The following UMAD1 variants were observed in gnomAD, a reference collection of about 807,000 sequenced individuals.
The protein encoded by UMAD1 is UBAP1-MVB12-associated (UMA)-domain containing protein 1.
UMAD1 carries 8 observed loss-of-function variants against 6.1 expected under a neutral mutation model. The observed-to-expected ratio is 1.30, with a 90% CI of 0.76 to 2.35. UMAD1 has a LOEUF of 2.35. UMAD1 is among the 30% of genes most tolerant of loss of function. The pLI, the probability that UMAD1 is intolerant of heterozygous loss-of-function variation, is 0.00. For missense variants in UMAD1, 130 were observed against 78.4 expected, an observed-to-expected ratio of 1.66 and a Z score of -2.49; for synonymous variants, 56 against 31.4, an observed-to-expected ratio of 1.78 and a Z score of -2.61.
intron 3 of UMAD1, among the ~76,000 whole-genome samples, chr7:7,875,979 G>A (rs939617865): frequency 6.6e-6 from 1 of 152,220 alleles, no homozygotes; most frequent in Non-Finnish European, 1.5e-5. Context: ...TTGGGAGGCT[G>A]AGACAGGGAG....
At chr7:7,784,562 G>A (rs914134646) in intron 2 of UMAD1, among the ~76,000 whole-genome samples, 13 of 150,666 alleles carry the variant, frequency 8.6e-5, no homozygotes, top group African/African-American at 2.9e-4. Context: ...AGCCAGGATG[G>A]TCTCGATCTT....
At chr7:7,724,058 G>T (rs997963766) in intron 2 of UMAD1, among the ~76,000 whole-genome samples, 4 of 152,126 alleles carry the variant, frequency 2.6e-5, no homozygotes, top group Non-Finnish European at 5.9e-5. Context: ...GGGAGGCCGG[G>T]TCCCCTTGAG....
chr7:7,699,630 G>GAAAAGACTA (rs1281645432), intron 2 of UMAD1, among the ~76,000 whole-genome samples: 9 of 152,166 alleles, frequency 5.9e-5, no homozygotes, highest in Non-Finnish European at 7.4e-5. Flanking sequence ...TTTAGGACCA[G>GAAAAGACTA]AAAAGACTAC....
At chr7:7,729,045 G>A (rs1255792706) in intron 2 of UMAD1, among the ~76,000 whole-genome samples, 1 of 152,168 alleles carries the variant, frequency 6.6e-6, no homozygotes, top group Non-Finnish European at 1.5e-5. Flanking sequence ...GATTGAGTAA[G>A]GCTTCCATAA....
chr7:7,874,842 G>A (rs989975861), intron 3 of UMAD1, among the ~76,000 whole-genome samples: 1 of 152,154 alleles, frequency 6.6e-6, no homozygotes, highest in African/African-American at 2.4e-5. Flanking sequence ...ACACCAGGAG[G>A]GCTTCTGGGG....
intron 2 of UMAD1, among the ~76,000 whole-genome samples, chr7:7,723,656 G>A (rs1386997133): frequency 1.3e-5 from 2 of 152,180 alleles, no homozygotes; most frequent in African/African-American, 4.8e-5. Flanking sequence ...GCTCTTCTCT[G>A]TATGTCAGAA....
intron 3 of UMAD1, among the ~76,000 whole-genome samples, chr7:7,873,166 G>T (rs1784360961): frequency 6.6e-6 from 1 of 152,122 alleles, no homozygotes; most frequent in South Asian, 2.1e-4. Flanking sequence ...CTGAGGCACG[G>T]AGAAGTTAAA....
chr7:7,836,668 A>C (rs1277211235), intron 3 of UMAD1, among the ~76,000 whole-genome samples: 3 of 152,010 alleles, frequency 2.0e-5, no homozygotes, highest in Non-Finnish European at 2.9e-5. Context: ...AGAATTAAAA[A>C]TTAAGTGTAT....
intron 3 of UMAD1, among the ~76,000 whole-genome samples, chr7:7,822,254 AAGAG>A (rs1361442924): frequency 2.0e-5 from 3 of 152,048 alleles, no homozygotes; most frequent in Non-Finnish European, 4.4e-5. Context: ...CTGTATGAAA[AAGAG>A]AGAGGCAGTT....
intron 2 of UMAD1, chr7:7,740,876 G>T (rs990780342): frequency 6.6e-6 from 1 of 152,104 alleles, no homozygotes; most frequent in Non-Finnish European, 1.5e-5. Flanking sequence ...AATGAGTAAA[G>T]AATTCCAGTA....
chr7:7,845,171 T>G (rs536083096), intron 3 of UMAD1, among the ~76,000 whole-genome samples: 52 of 152,232 alleles, frequency 3.4e-4, no homozygotes, highest in African/African-American at 1.3e-3. Flanking sequence ...ATTTAAAATT[T>G]TCATTAATAA....
chr7:7,685,177 C>G (rs1385534255), intron 2 of UMAD1, among the ~76,000 whole-genome samples: 1 of 152,070 alleles, frequency 6.6e-6, no homozygotes, highest in African/African-American at 2.4e-5. Flanking sequence ...ACCTGAATGT[C>G]TTTCTGGTAA....
At position 7,877,152 on chromosome 7, in the gene UMAD1, T is replaced by G. The variant is rs111343722; in HGVS notation, c.157-129T>G. On this transcript the variant is annotated intron_variant, in intron 3 of 3. Coordinates refer to ENST00000682710, the MANE Select transcript of UMAD1 (RefSeq NM_001302348.2). ...GTAATTCTAAAGTAAAGTAAAGAGC[T>G]GCGTTCAAATCTGGGAATATTTATA... 1.1e-3 allele frequency: 646 copies of G among 605,906 alleles called. 4 individuals are homozygous for G. The highest frequency in any genetic ancestry group is 0.01 in the African/African-American group (558 of 54,064). 37.5% of individuals were successfully genotyped at this position (605,906 alleles called of 1,614,324 possible).
rs1450170303 is a variant in UMAD1 at position 7,820,985 on chromosome 7, T to A, written c.156+19242T>A. Reference sequence around the variant, plus strand: ...TAACCAGGAAAACAGTAGTTTAATATGTTAAGTACTAGTTATTAATGAAAA... The same window carrying A: ...TAACCAGGAAAACAGTAGTTTAATAAGTTAAGTACTAGTTATTAATGAAAA... On this transcript the variant is annotated intron_variant, in intron 3 of 3. Transcript: ENST00000682710. Among the ~76,000 whole-genome samples the A allele has an allele frequency of 2.6e-5, 4 of 152,238 alleles. 1 individual carries two copies. The East Asian group carries it at 7.7e-4, about 29-fold the overall frequency.
intron 3 of UMAD1, among the ~76,000 whole-genome samples, chr7:7,869,766 G>T (rs1784302284): frequency 6.6e-6 from 1 of 152,150 alleles, no homozygotes; most frequent in South Asian, 2.1e-4. Context: ...CTTCATGGTG[G>T]TTACTGGAAT....
chr7:7,850,222 T>C (rs1264248483), intron 3 of UMAD1, among the ~76,000 whole-genome samples: 1 of 151,036 alleles, frequency 6.6e-6, no homozygotes, highest in Non-Finnish European at 1.5e-5. Flanking sequence ...ACTTTAATAG[T>C]TACAAAGATA....
At chr7:7,873,999 C>T (rs1471143777) in intron 3 of UMAD1, among the ~76,000 whole-genome samples, 2 of 152,152 alleles carry the variant, frequency 1.3e-5, no homozygotes, top group East Asian at 3.8e-4. Context: ...ACAGCTCCAC[C>T]TGATGTCCGC....
At chr7:7,851,670 G>A (rs1215228725) in intron 3 of UMAD1, among the ~76,000 whole-genome samples, 1 of 151,954 alleles carries the variant, frequency 6.6e-6, no homozygotes, top group Non-Finnish European at 1.5e-5. Flanking sequence ...TGCTTATTGG[G>A]CTTTTGTATA....
chr7:7,740,975 A>C (rs1781451318), intron 2 of UMAD1: 1 of 152,174 alleles, frequency 6.6e-6, no homozygotes, highest in Non-Finnish European at 1.5e-5. Flanking sequence ...ATAAGTTTAA[A>C]GTTTTCTTCT....
Sources: allele counts gnomAD v4.1 joint callset (sites outside exome capture counted in the v4.1 genomes callset), GRCh38; gene constraint gnomAD v4.1.1; transcripts MANE v1.5; gene names NCBI Gene and HGNC (gene_info 2026-07-23, HGNC 2026-07-21).